PCDHGA6: variants seen among roughly 807,000 people sequenced by gnomAD.
The protein encoded by PCDHGA6 is protocadherin gamma subfamily A, 6, also known as protocadherin gamma-A6.
In PCDHGA6, 41 loss-of-function variants were observed where a neutral mutation model predicts 60.6. The ratio of observed to expected loss-of-function variants is 0.68; its 90% confidence interval spans 0.53 to 0.88. PCDHGA6 has a LOEUF of 0.88. PCDHGA6 is among the 40% of genes least tolerant of loss of function. The probability of loss-of-function intolerance (pLI) is 0.00; values close to 1 mark genes in which losing one functional copy is unlikely to be tolerated. For missense variants in PCDHGA6, 1,312 were observed against 1,203.0 expected (o/e 1.09, Z -1.34); for synonymous variants, 594 against 524.4 (o/e 1.13, Z -1.81).
chr5:141,452,654 T>C (rs2098746449), intron 1 of PCDHGA6, among the ~76,000 whole-genome samples: 1 of 151,162 alleles, frequency 6.6e-6, no homozygotes, highest in Non-Finnish European at 1.5e-5. Context: ...ATTTGCTCCA[T>C]CCACTGCACT....
intron 1 of PCDHGA6, among the ~76,000 whole-genome samples, chr5:141,430,380 TG>T (rs1376875091): frequency 6.8e-6 from 1 of 147,890 alleles, no homozygotes; most frequent in Non-Finnish European, 1.5e-5. Flanking sequence ...AAAAGCTCAT[TG>T]GGAAAAAAAA....
chr5:141,501,237 A>G (rs1327502244), intron 2 of PCDHGA6, among the ~76,000 whole-genome samples: 1 of 150,372 alleles, frequency 6.7e-6, no homozygotes, highest in Non-Finnish European at 1.5e-5. Flanking sequence ...CAGTTTTTTG[A>G]GCATGATGTA....
intron 1 of PCDHGA6, chr5:141,399,197 T>G: frequency 6.2e-7 from 1 of 1,613,926 alleles, no homozygotes; most frequent in Non-Finnish European, 8.5e-7. Context: ...GAAAACGCGG[T>G]GCCTGGAACA....
At chr5:141,418,149 AAG>A (rs768024698) in intron 1 of PCDHGA6, 1 of 1,613,982 alleles carries the variant, frequency 6.2e-7, no homozygotes, top group Non-Finnish European at 8.5e-7. Flanking sequence ...CAAATATGCA[AAG>A]AGAGAAGAAG....
chr5:141,503,417 A>T (rs1431276679), intron 2 of PCDHGA6, among the ~76,000 whole-genome samples: 2 of 151,968 alleles, frequency 1.3e-5, no homozygotes, highest in Non-Finnish European at 2.9e-5. Flanking sequence ...CAATATGGTG[A>T]AACCCCATCT....
rs370932300 is a variant in PCDHGA6, at chr5:141,459,955, G to A, written c.2425-34852G>A. Among the ~76,000 whole-genome samples, 15 of 152,316 alleles carry A rather than the reference G, an allele frequency of 9.8e-5. No homozygotes were observed. The East Asian group carries it at 2.3e-3, about 24-fold the overall frequency. The stretch of plus-strand genomic sequence containing the variant: ...TAGCTGGGCGTGATGGCAGGTGCCT[G>A]TAATCCCAGCTACTCAGGAGGCTGA... On this transcript the variant is annotated intron_variant, in intron 1 of 3. Coordinates refer to ENST00000517434, the MANE Select transcript of PCDHGA6 (RefSeq NM_018919.3).
rs532725430 is a variant in PCDHGA6, at chr5:141,429,107, G to A, written c.2424+52600G>A. On this transcript the variant is annotated intron_variant, in intron 1 of 3. Transcript: ENST00000517434. ...CTGACCTCGTGATCTGCCCGCCTCG[G>A]CCTCCCAAAGTGCTGGGATTATAGG... The A allele has an allele frequency of 3.8e-3, 579 of 152,026 alleles. 5 individuals are homozygous for A. Among genetic ancestry groups the A allele is most frequent in the Admixed American group, 0.011 (166 of 15,232 alleles). The allele number at this position is 152,026 out of a possible 1,614,324, so 9.4% of individuals were successfully genotyped here. A position where few individuals can be genotyped will look rare whatever the true frequency, so the allele number is the denominator to read the frequency against.
At chr5:141,498,089 A>G (rs1402239680) in intron 2 of PCDHGA6, among the ~76,000 whole-genome samples, 3 of 152,370 alleles carry the variant, frequency 2.0e-5, no homozygotes, top group South Asian at 2.1e-4. Context: ...GTAGAATTGT[A>G]TCTGGTGGTG....
chr5:141,374,333 T>G lies in PCDHGA6; in HGVS notation c.250T>G (p.Leu84Val), dbSNP rs767860795. 3.7e-6 allele frequency: 6 copies of G among 1,613,886 alleles called. No homozygotes were observed. In the African/African-American group the frequency reaches 5.3e-5, roughly 14 times the overall value. Residue 84 changes from leucine to valine, a missense_variant, in exon 1 of 4, where the codon TTG becomes GTG. By Grantham distance (32) the Leu-to-Val change is conservative. Coordinates refer to ENST00000517434, the MANE Select transcript of PCDHGA6 (RefSeq NM_018919.3). The part of the protein sequence containing the change: ...LFSLNPRNGS[L>V]VTAGRIDREE... ...CTCTCTGAATCCGCGAAACGGCAGC[T>G]TGGTCACCGCGGGTAGGATAGACCG...
At chr5:141,408,059 C>T in intron 1 of PCDHGA6, 1 of 1,317,324 alleles carries the variant, frequency 7.6e-7, no homozygotes, top group Non-Finnish European at 1.0e-6. Flanking sequence ...AGCCTCCCGG[C>T]TGCGCAGACC....
rs907427230 is a variant in PCDHGA6, at chr5:141,489,936, G to A, written c.2425-4871G>A. 4 of 1,614,096 alleles carry A rather than the reference G, an allele frequency of 2.5e-6. No homozygotes were observed. In the African/African-American group the frequency reaches 5.3e-5, roughly 22 times the overall value. ...GGACCACCCTTATCTCTGTCATCGT[G>A]CTGGACATCAATGATAATGCTCCAA... is the stretch of plus-strand genomic sequence containing the variant. On this transcript the variant is annotated intron_variant, in intron 1 of 3. Coordinates refer to ENST00000517434, the MANE Select transcript of PCDHGA6 (RefSeq NM_018919.3). This position sits in a 1 kb window ranked among gnomAD's most constrained non-coding sequence, Gnocchi z 4.5.
intron 1 of PCDHGA6, among the ~76,000 whole-genome samples, chr5:141,444,012 G>T (rs1355186604): frequency 1.3e-5 from 2 of 152,058 alleles, no homozygotes; most frequent in African/African-American, 4.8e-5. Flanking sequence ...CTGGGTATTG[G>T]CTTCTAAAAG....
At chr5:141,509,319 G>A (rs1427191152) in intron 3 of PCDHGA6, among the ~76,000 whole-genome samples, 3 of 152,216 alleles carry the variant, frequency 2.0e-5, no homozygotes, top group African/African-American at 4.8e-5. Context: ...TGGGAGAGAA[G>A]CTCTACTGCC....
chr5:141,383,085 C>G (rs773972778), intron 1 of PCDHGA6: 15 of 1,613,862 alleles, frequency 9.3e-6, no homozygotes, highest in Non-Finnish European at 1.3e-5. Context: ...TGGCGGAGCG[C>G]GGAGTCCGCA....
At chr5:141,496,888 T>TAA (rs35063790) in intron 2 of PCDHGA6, among the ~76,000 whole-genome samples, 141 of 134,106 alleles carry the variant, frequency 1.1e-3, no homozygotes, top group East Asian at 2.4e-3. Context: ...AAGTAACACT[T>TAA]AAAAAAAAAA....
intron 1 of PCDHGA6, among the ~76,000 whole-genome samples, chr5:141,380,341 G>A (rs1359705635): frequency 6.6e-6 from 1 of 152,024 alleles, no homozygotes; most frequent in Non-Finnish European, 1.5e-5. Context: ...TCAAAGAACT[G>A]TTTTGTTGTT....
At chr5:141,393,583 C>A in intron 1 of PCDHGA6, 1 of 1,613,930 alleles carries the variant, frequency 6.2e-7, no homozygotes, top group Non-Finnish European at 8.5e-7. Context: ...AACATGCCCC[C>A]AGGCACGCGG....
intron 1 of PCDHGA6, chr5:141,409,458 A>G (rs1435071611): frequency 4.3e-6 from 7 of 1,613,820 alleles, no homozygotes; most frequent in East Asian, 2.2e-5. Context: ...CCAGAATACA[A>G]TGTCACCATC....
At chr5:141,429,396 T>A (rs2097212352) in intron 1 of PCDHGA6, among the ~76,000 whole-genome samples, 1 of 151,520 alleles carries the variant, frequency 6.6e-6, no homozygotes, top group African/African-American at 2.4e-5. Context: ...TTAAAAAAAA[T>A]TGAGATTAAG....
Sources: gnomAD v4.1 joint callset for allele counts (sites outside exome capture counted in the v4.1 genomes callset) on GRCh38, gnomAD v4.1.1 for gene constraint, Gnocchi (gnomAD v3.1) non-coding constraint, MANE v1.5 for transcripts, NCBI Gene and HGNC (gene_info 2026-07-23, HGNC 2026-07-21) for gene names.